Variants in GPAT3 observed in about 807,000 individuals in gnomAD.
GPAT3 encodes 1-AGP acyltransferase 9.
A neutral mutation model predicts 58.8 loss-of-function variants in GPAT3; 53 were observed. The observed-to-expected ratio is 0.90, with a 90% CI of 0.72 to 1.13. The LOEUF (loss-of-function observed/expected upper bound fraction) is 1.13, where lower values mean the gene tolerates loss of function less well. Among genes scored for constraint, GPAT3 ranks in the 50% most tolerant of loss-of-function variants. The pLI, the probability that GPAT3 is intolerant of heterozygous loss-of-function variation, is 0.00. For missense variants in GPAT3, 511 were observed against 527.6 expected, an observed-to-expected ratio of 0.97 and a Z score of 0.31; for synonymous variants, 197 against 187.4, an observed-to-expected ratio of 1.05 and a Z score of -0.42.
intron 7 of GPAT3, 47 bp from the exon 8 acceptor site, chr4:83,596,811 C>A: frequency 6.9e-7 from 1 of 1,458,414 alleles, no homozygotes; most frequent in Non-Finnish European, 9.6e-7. Flanking sequence ...AGGACATCCA[C>A]CTCTCTCTTT....
At chr4:83,584,019 C>A (rs1348931414) in intron 3 of GPAT3, among the ~76,000 whole-genome samples, 1 of 152,014 alleles carries the variant, frequency 6.6e-6, no homozygotes, top group Non-Finnish European at 1.5e-5. Flanking sequence ...AAGCTTTAGT[C>A]AAGTTTAATA....
intron 2 of GPAT3, among the ~76,000 whole-genome samples, chr4:83,557,103 C>T (rs1724970112): frequency 6.6e-6 from 1 of 152,300 alleles, no homozygotes; most frequent in South Asian, 2.1e-4. Context: ...AATACTCTGA[C>T]ATTGGGGATT....
In GPAT3 at chr4:83,593,495, A is replaced by G. The variant is rs146595224; in HGVS notation, c.739-1350A>G. On this transcript the variant is annotated intron_variant, in intron 6 of 11. Transcript: ENST00000264409. ...TTTACTATTTATTTCTAATATTTAC[A>G]TTGGAAATCTGAATACATCCAACTC... Among the ~76,000 whole-genome samples, 565 of 152,212 alleles carry G rather than the reference A, an allele frequency of 3.7e-3. 4 individuals are homozygous for G. The highest frequency in any genetic ancestry group is 0.013 in the African/African-American group (535 of 41,530).
rs375918964 is a variant in GPAT3 at position 83,585,473 on chromosome 4, C to CATT, written c.480-1782_480-1781insATT. On this transcript the variant is annotated intron_variant, in intron 3 of 11. Coordinates refer to ENST00000264409, the MANE Select transcript of GPAT3 (RefSeq NM_032717.5). ...ATAAAAATATTTATACTTTTTTTTA[C>CATT]GTTTCCAGATGTTTTATAATGTACA... Among the ~76,000 whole-genome samples the CATT allele has an allele frequency of 5.3e-3, 806 of 151,298 alleles. 7 individuals carry two copies. The highest frequency in any genetic ancestry group is 0.018 in the African/African-American group (736 of 41,250).
intron 11 of GPAT3, among the ~76,000 whole-genome samples, chr4:83,601,814 C>G (rs989479225): frequency 3.9e-5 from 6 of 152,136 alleles, no homozygotes; most frequent in African/African-American, 1.4e-4. Flanking sequence ...CTTGAGAAAT[C>G]GATGGGCAAT....
At chr4:83,558,952 C>A (rs1412057325) in intron 2 of GPAT3, among the ~76,000 whole-genome samples, 1 of 152,042 alleles carries the variant, frequency 6.6e-6, no homozygotes, top group Non-Finnish European at 1.5e-5. Flanking sequence ...GGAAGCAAAC[C>A]CACATTTTCT....
At chr4:83,595,060 C>T in intron 7 of GPAT3, 100 bp downstream of exon 7, 2 of 974,972 alleles carry the variant, frequency 2.1e-6, no homozygotes, top group Admixed American at 2.3e-5. Flanking sequence ...AGTCTCAAAA[C>T]TGAAACAGAG....
At chr4:83,562,236 A>ATTATATATATATATAATAT (rs1189594840) in intron 2 of GPAT3, among the ~76,000 whole-genome samples, 1 of 74,090 alleles carries the variant, frequency 1.3e-5, no homozygotes, top group African/African-American at 5.3e-5. Flanking sequence ...ATATATATAT[A>ATTATATATATATATAATAT]ATATATATAT....
chr4:83,564,453 G>A (rs1351719798), intron 2 of GPAT3, among the ~76,000 whole-genome samples: 4 of 152,024 alleles, frequency 2.6e-5, no homozygotes, highest in African/African-American at 9.7e-5. Flanking sequence ...AATCCTAGCA[G>A]TTTGGGAGGC....
At position 83,559,489 on chromosome 4, in the gene GPAT3, A is replaced by G. The variant is rs192271194; in HGVS notation, c.208+14887A>G. ...CAGGCGCATGCTGCCACGCCTGGCT[A>G]ATTTTTTGTATTTTAGTAGAGATGG... On this transcript the variant is annotated intron_variant, in intron 2 of 11. Coordinates refer to ENST00000264409, the MANE Select transcript of GPAT3 (RefSeq NM_032717.5). Among the ~76,000 whole-genome samples the G allele has an allele frequency of 4.6e-3, 703 of 152,012 alleles. 5 individuals carry two copies. The highest frequency in any genetic ancestry group is 0.016 in the African/African-American group (669 of 41,464).
intron 2 of GPAT3, among the ~76,000 whole-genome samples, chr4:83,579,042 CTTT>C (rs1560621006): frequency 4.3e-3 from 111 of 26,000 alleles, no homozygotes; most frequent in African/African-American, 0.018. Flanking sequence ...TTCTTTCTTT[CTTT>C]CTTTCTTTCT....
rs932759450 is a variant in GPAT3, at chr4:83,587,251, T to G, written c.480-4T>G. 1.7e-5 allele frequency: 27 copies of G among 1,612,734 alleles called. No homozygotes were observed. The Middle Eastern group carries it at 4.9e-4, about 30-fold the overall frequency. ...CTTATATGGCCCTCTCTTTTCTTTT[T>G]CAGGGTTACCTTGGCTTTCATTGGG... On this transcript the variant is annotated splice_region_variant and splice_polypyrimidine_tract_variant and intron_variant, in intron 3 of 11. Transcript: ENST00000264409.
In GPAT3 at chr4:83,581,818, C is replaced by T. The variant is rs1244535080; in HGVS notation, c.465C>T (p.Val155=). ...TGGGCGTCATAGTGCGCTATTGTGT[C>T]CTACTGCCTCTGAGGTAAGTCATAT... is the stretch of plus-strand genomic sequence containing the variant. ...WVLGVIVRYC[V]LLPLRVTLAF... Residue 155 remains valine (V), a synonymous_variant, in exon 3 of 12, where the codon GTC becomes GTT. Transcript: ENST00000264409. 2 of 1,609,698 alleles carry T rather than the reference C, an allele frequency of 1.2e-6. No homozygotes were observed. Among genetic ancestry groups the T allele is most frequent in the Admixed American group, 3.3e-5 (2 of 59,788 alleles).
upstream of GPAT3, chr4:83,535,823 A>G: frequency 3.0e-6 from 3 of 985,498 alleles, no homozygotes; most frequent in Non-Finnish European, 3.6e-6. Context: ...CCTTTCCAAG[A>G]GTTCGTTTTA....
chr4:83,592,802 C>G (rs1726654004), intron 6 of GPAT3, among the ~76,000 whole-genome samples: 1 of 152,086 alleles, frequency 6.6e-6, no homozygotes, highest in Non-Finnish European at 1.5e-5. Flanking sequence ...GGGAAAAGCT[C>G]TCTTGTTCTG....
intron 3 of GPAT3, among the ~76,000 whole-genome samples, chr4:83,584,170 C>T (rs147671974): frequency 1.7e-3 from 256 of 152,274 alleles, no homozygotes; most frequent in Middle Eastern, 3.4e-3. Context: ...ATTCCCTTAT[C>T]TACTAAACAA....
intron 11 of GPAT3, 106 bp from the exon 12 acceptor site, chr4:83,604,562 C>A: frequency 1.2e-6 from 1 of 802,282 alleles, no homozygotes; most frequent in Non-Finnish European, 1.9e-6. Flanking sequence ...TTATTTCATC[C>A]CAGCTGCCTA....
At chr4:83,535,610 G>T (rs1375169638), upstream of GPAT3, 28 of 680,782 alleles carry the variant, frequency 4.1e-5, no homozygotes, top group Non-Finnish European at 5.1e-5. Flanking sequence ...CAGAAAGGGA[G>T]TGACAGATAC....
intron 6 of GPAT3, 71 bp from the exon 7 acceptor site, chr4:83,594,774 T>C: frequency 8.2e-7 from 1 of 1,212,666 alleles, no homozygotes; most frequent in Non-Finnish European, 1.2e-6. Flanking sequence ...TAGAAATTTG[T>C]TGGTACTTAA....
Sources: gnomAD v4.1 joint callset for allele counts (sites outside exome capture counted in the v4.1 genomes callset) on GRCh38, gnomAD v4.1.1 for gene constraint, MANE v1.5 for transcripts, NCBI Gene and HGNC (gene_info 2026-07-23, HGNC 2026-07-21) for gene names.